The following CNTN5 variants were observed in gnomAD, a reference collection of about 807,000 sequenced individuals.
CNTN5 encodes the protein contactin 5.
A neutral mutation model predicts 129.1 loss-of-function variants in CNTN5; 77 were observed. That is an observed-to-expected ratio of 0.60 (90% confidence interval 0.50 to 0.72). The LOEUF is 0.72. CNTN5 is among the 30% of genes least tolerant of loss of function. The probability of loss-of-function intolerance (pLI) is 0.00; values close to 1 mark genes in which losing one functional copy is unlikely to be tolerated. For missense variants in CNTN5, 1,478 were observed against 1,328.8 expected (o/e 1.11, Z -1.75); for synonymous variants, 509 against 465.6 (o/e 1.09, Z -1.20).
chr11:99,035,484 T>A (rs961878496), intron 1 of CNTN5, among the ~76,000 whole-genome samples: 11 of 151,580 alleles, frequency 7.3e-5, no homozygotes, highest in Admixed American at 5.9e-4. Context: ...TTTAGGATGG[T>A]TAGCTCTTCT....
intron 3 of CNTN5, among the ~76,000 whole-genome samples, chr11:99,759,951 A>G (rs924271030): frequency 3.2e-4 from 48 of 152,190 alleles, no homozygotes; most frequent in African/African-American, 1.1e-3. Context: ...AGTGAGGCCT[A>G]TGGGGGTGGA....
At position 99,027,216 on chromosome 11, in the gene CNTN5, A is replaced by G. The variant is rs141217950; in HGVS notation, c.-210+5946A>G. Among the ~76,000 whole-genome samples, 425 of 151,656 alleles carry G rather than the reference A, an allele frequency of 2.8e-3. 2 individuals carry two copies. The highest frequency in any genetic ancestry group is 0.014 in the Middle Eastern group (4 of 294). On this transcript the variant is annotated intron_variant, in intron 1 of 24. Transcript: ENST00000524871. ...ATGGCATATATGTAAGGGAACATCC[A>G]TTTGCCCTATAATACTTCTTAATTT...
chr11:99,501,256 C>A (rs188699872), intron 2 of CNTN5, among the ~76,000 whole-genome samples: 35 of 152,276 alleles, frequency 2.3e-4, no homozygotes, highest in Non-Finnish European at 4.4e-4. Context: ...CAGTGACAAG[C>A]TTCTGCTCAG....
chr11:100,248,928 C>T (rs1279307321), intron 16 of CNTN5, among the ~76,000 whole-genome samples: 1 of 152,160 alleles, frequency 6.6e-6, no homozygotes, highest in African/African-American at 2.4e-5. Context: ...CATAATTGGA[C>T]AAATTTGACC....
At position 99,877,813 on chromosome 11, in the gene CNTN5, T is replaced by C. The variant is rs550946378; in HGVS notation, c.577+32551T>C. On this transcript the variant is annotated intron_variant, in intron 6 of 24. Transcript: ENST00000524871. ...CTATTAAATCTGTTCATATTGCCTA[T>C]TGACTTTGTAAATAATGCATAAGTT... is the stretch of plus-strand genomic sequence containing the variant. Among the ~76,000 whole-genome samples the C allele has an allele frequency of 3.9e-5, 6 of 152,356 alleles. No homozygotes were observed. The South Asian group carries it at 1.2e-3, about 32-fold the overall frequency.
chr11:99,980,359 C>A (rs1938255233), intron 8 of CNTN5, among the ~76,000 whole-genome samples: 1 of 152,156 alleles, frequency 6.6e-6, no homozygotes, highest in Non-Finnish European at 1.5e-5. Flanking sequence ...CCTGTGAAAC[C>A]AGCAAATTTG....
chr11:99,515,276 A>G (rs146991161), intron 2 of CNTN5, among the ~76,000 whole-genome samples: 4 of 152,232 alleles, frequency 2.6e-5, no homozygotes, highest in African/African-American at 9.6e-5. Context: ...CTTGTAGTGT[A>G]GATAATTTTT....
intron 3 of CNTN5, among the ~76,000 whole-genome samples, chr11:99,647,245 C>T (rs927903991): frequency 1.3e-5 from 2 of 151,980 alleles, no homozygotes; most frequent in Admixed American, 6.6e-5. Flanking sequence ...TGTAGTTTCA[C>T]TCTTCTTCAT....
At chr11:99,217,051 G>A (rs1474763840) in intron 1 of CNTN5, among the ~76,000 whole-genome samples, 1 of 152,108 alleles carries the variant, frequency 6.6e-6, no homozygotes, top group Non-Finnish European at 1.5e-5. Flanking sequence ...CGTGTGGCAT[G>A]TGCCTGTAGT....
chr11:99,920,299 C>T (rs530503870), intron 7 of CNTN5, among the ~76,000 whole-genome samples: 37 of 152,186 alleles, frequency 2.4e-4, no homozygotes, highest in African/African-American at 6.3e-4. Flanking sequence ...ATTTTATAGT[C>T]CCCCAAGTGT....
At chr11:99,453,334 A>C (rs983708470) in intron 2 of CNTN5, among the ~76,000 whole-genome samples, 1 of 152,332 alleles carries the variant, frequency 6.6e-6, no homozygotes, top group Non-Finnish European at 1.5e-5. Flanking sequence ...TTGTAGAGAA[A>C]GTTGAGAACA....
At chr11:100,349,680 G>T (rs1374455293) in intron 23 of CNTN5, among the ~76,000 whole-genome samples, 3 of 151,588 alleles carry the variant, frequency 2.0e-5, no homozygotes, top group African/African-American at 7.3e-5. Context: ...TCTTTCCATT[G>T]TACACTTATA....
intron 15 of CNTN5, among the ~76,000 whole-genome samples, chr11:100,205,009 T>G (rs962447265): frequency 2.6e-5 from 4 of 152,060 alleles, no homozygotes; most frequent in African/African-American, 7.2e-5. Flanking sequence ...GAAAGCCTTC[T>G]TAGATAAAAG....
chr11:99,862,326 G>A lies in CNTN5; in HGVS notation c.577+17064G>A, dbSNP rs1328201591. Among the ~76,000 whole-genome samples the A allele has an allele frequency of 3.3e-5, 5 of 150,232 alleles. No individual in the cohort carries two copies. In the East Asian group the frequency reaches 5.9e-4, roughly 18 times the overall value. ...TGCCCAGGGTCCATTGAAACTCTTCGGCCACAAAGCGATATCCTTCATCTT... is the reference window on the plus strand; with the variant it reads ...TGCCCAGGGTCCATTGAAACTCTTCAGCCACAAAGCGATATCCTTCATCTT... On this transcript the variant is annotated intron_variant, in intron 6 of 24. Transcript: ENST00000524871.
intron 3 of CNTN5, among the ~76,000 whole-genome samples, chr11:99,633,752 A>ATGTT (rs1951449436): frequency 6.6e-6 from 1 of 151,994 alleles, no homozygotes; most frequent in Non-Finnish European, 1.5e-5. Flanking sequence ...ATTAGGGTTT[A>ATGTT]TGTTTGTTTG....
At chr11:100,164,455 A>C (rs1387415035) in intron 13 of CNTN5, among the ~76,000 whole-genome samples, 1 of 151,800 alleles carries the variant, frequency 6.6e-6, no homozygotes, top group African/African-American at 2.4e-5. Flanking sequence ...CTCATGAATA[A>C]ATAGCAAATC....
chr11:100,264,827 G>T (rs1007805748), intron 17 of CNTN5, among the ~76,000 whole-genome samples: 1 of 152,092 alleles, frequency 6.6e-6, no homozygotes, highest in African/African-American at 2.4e-5. Context: ...CCCAAGGGTC[G>T]AGCTAATTTA....
At chr11:100,081,577 G>A (rs1374969154) in intron 13 of CNTN5, among the ~76,000 whole-genome samples, 1 of 152,112 alleles carries the variant, frequency 6.6e-6, no homozygotes, top group African/African-American at 2.4e-5. Flanking sequence ...ATCCAGCAAT[G>A]GGGTGAGAGA....
intron 9 of CNTN5, among the ~76,000 whole-genome samples, chr11:100,018,585 T>C (rs1262567032): frequency 2.0e-5 from 3 of 151,972 alleles, no homozygotes; most frequent in Non-Finnish European, 4.4e-5. Context: ...TGATAGACAT[T>C]TGGATTCCAT....
Sources: gnomAD v4.1 joint callset for allele counts (sites outside exome capture counted in the v4.1 genomes callset) on GRCh38, gnomAD v4.1.1 for gene constraint, MANE v1.5 for transcripts, NCBI Gene and HGNC (gene_info 2026-07-23, HGNC 2026-07-21) for gene names.